The following COLEC11 variants were observed in gnomAD, a reference collection of about 807,000 sequenced individuals.
COLEC11 encodes the protein collectin-11.
A neutral mutation model predicts 27.3 loss-of-function variants in COLEC11; 20 were observed. The observed-to-expected ratio is 0.73, with a 90% CI of 0.51 to 1.06. COLEC11 has a LOEUF of 1.06. Ranked by LOEUF, COLEC11 falls within the 50% of genes least tolerant of loss-of-function variation. The pLI is 0.00. For missense variants in COLEC11, 310 were observed against 383.0 expected (o/e 0.81, Z 1.59); for synonymous variants, 163 against 154.7 (o/e 1.05, Z -0.40).
intron 3 of COLEC11, among the ~76,000 whole-genome samples, chr2:3,635,743 C>G (rs1186091570): frequency 6.6e-6 from 1 of 152,218 alleles, no homozygotes; most frequent in Non-Finnish European, 1.5e-5. Flanking sequence ...TAGGATCTCC[C>G]TCTGCCTCCC....
intron 3 of COLEC11, among the ~76,000 whole-genome samples, chr2:3,617,058 C>T (rs936920580): frequency 2.6e-5 from 4 of 151,922 alleles, no homozygotes; most frequent in Non-Finnish European, 5.9e-5. Context: ...CTTCAAGATC[C>T]GATTTCATTC....
rs761940723 is a variant in COLEC11, at chr2:3,643,764, C to T, written c.462C>T (p.Tyr154=). ...AGVRETESKI[Y]LLVKEEKRYA... is the part of the protein sequence containing the mutation. ...TGCGCGAGACGGAGAGCAAGATCTA[C>T]CTGCTGGTGAAGGAGGAGAAGCGCT... Residue 154 remains tyrosine, a synonymous_variant, in exon 7 of 7, where the codon TAC becomes TAT. Transcript: ENST00000349077. 70 of 1,613,546 alleles carry T rather than the reference C, an allele frequency of 4.3e-5. 1 individual carries two copies. The South Asian group carries it at 7.4e-4, about 17-fold the overall frequency.
intron 3 of COLEC11, among the ~76,000 whole-genome samples, chr2:3,616,610 C>A (rs979530766): frequency 1.4e-4 from 21 of 152,262 alleles, no homozygotes; most frequent in African/African-American, 4.8e-4. Flanking sequence ...AATACGAAAA[C>A]CAGTCAGGCA....
chr2:3,626,989 G>C (rs1480052841), intron 3 of COLEC11, among the ~76,000 whole-genome samples: 2 of 152,150 alleles, frequency 1.3e-5, no homozygotes, highest in Non-Finnish European at 2.9e-5. Flanking sequence ...CAACTCCCCT[G>C]GCCCACTGGC....
chr2:3,616,687 G>C (rs1317355313), intron 3 of COLEC11, among the ~76,000 whole-genome samples: 1 of 152,252 alleles, frequency 6.6e-6, no homozygotes, highest in African/African-American at 2.4e-5. Flanking sequence ...CAGGGAGGTT[G>C]CAGTGAGCCG....
Position 3,643,132 on chromosome 2 carries a change from C to A in COLEC11, c.329-312C>A, listed in dbSNP as rs6707237. Among the ~76,000 whole-genome samples, 938 of 152,282 alleles carry A rather than the reference C, an allele frequency of 6.2e-3. 9 individuals are homozygous for A. Among genetic ancestry groups the A allele is most frequent in the African/African-American group, 0.021 (893 of 41,538 alleles). On this transcript the variant is annotated intron_variant, in intron 5 of 6. Coordinates refer to ENST00000349077, the MANE Select transcript of COLEC11 (RefSeq NM_024027.5). Reference sequence around the variant, plus strand: ...ATGTTCTAGCTTTTCTCACTGCACGCCCTCAGCCAGACCTGCTTCCCTGGT... The same window carrying A: ...ATGTTCTAGCTTTTCTCACTGCACGACCTCAGCCAGACCTGCTTCCCTGGT...
intron 3 of COLEC11, among the ~76,000 whole-genome samples, chr2:3,628,315 G>T (rs1664710442): frequency 6.6e-6 from 1 of 152,252 alleles, no homozygotes; most frequent in East Asian, 1.9e-4. Context: ...ATGCTGGGCG[G>T]GGGCTGTGTT....
At chr2:3,624,963 AG>A (rs915675381) in intron 3 of COLEC11, among the ~76,000 whole-genome samples, 1 of 152,202 alleles carries the variant, frequency 6.6e-6, no homozygotes, top group Non-Finnish European at 1.5e-5. Flanking sequence ...TCCCTGATAT[AG>A]TAGTTATTCC....
At chr2:3,626,436 T>C (rs1001464518) in intron 3 of COLEC11, among the ~76,000 whole-genome samples, 3 of 144,932 alleles carry the variant, frequency 2.1e-5, no homozygotes, top group Non-Finnish European at 4.5e-5. Flanking sequence ...GGGTGGGGGG[T>C]GGGGATCTAC....
intron 3 of COLEC11, among the ~76,000 whole-genome samples, chr2:3,615,234 A>G (rs1035864778): frequency 2.0e-5 from 3 of 152,212 alleles, no homozygotes; most frequent in African/African-American, 7.2e-5. Context: ...GAAGGTCAGC[A>G]GACAAACAAG....
intron 1 of COLEC11, chr2:3,603,700 C>T (rs1275614874): frequency 1.3e-6 from 2 of 1,548,230 alleles, no homozygotes; most frequent in Non-Finnish European, 1.7e-6. Flanking sequence ...GGTCAGATGT[C>T]CATGACACCC....
chr2:3,628,876 A>G (rs1003340784), intron 3 of COLEC11, among the ~76,000 whole-genome samples: 3 of 152,168 alleles, frequency 2.0e-5, no homozygotes, highest in African/African-American at 4.8e-5. Flanking sequence ...ACTGCTCACA[A>G]TGGTGATGAG....
intron 5 of COLEC11, among the ~76,000 whole-genome samples, chr2:3,642,473 C>T (rs185264335): frequency 6.6e-6 from 1 of 152,322 alleles, no homozygotes; most frequent in East Asian, 1.9e-4. Context: ...ACTTGTGTTG[C>T]TCACTCTTGT....
chr2:3,609,766 G>A (rs76262342), intron 2 of COLEC11, among the ~76,000 whole-genome samples: 1 of 152,132 alleles, frequency 6.6e-6, no homozygotes, highest in East Asian at 1.9e-4. Flanking sequence ...TTGACCTCAG[G>A]TGATCCACCC....
intron 1 of COLEC11, among the ~76,000 whole-genome samples, chr2:3,600,555 C>T (rs1355915428): frequency 1.3e-5 from 2 of 152,138 alleles, no homozygotes; most frequent in Admixed American, 6.5e-5. Context: ...ACAAGCAAAA[C>T]GTGACAGAAT....
intron 1 of COLEC11, among the ~76,000 whole-genome samples, chr2:3,596,308 A>G (rs1428653830): frequency 2.6e-5 from 4 of 151,192 alleles, no homozygotes; most frequent in Admixed American, 2.0e-4. Flanking sequence ...TGGCAACTGA[A>G]GCCATGATTT....
intron 3 of COLEC11, among the ~76,000 whole-genome samples, chr2:3,619,999 A>G (rs1167745630): frequency 6.6e-6 from 1 of 152,230 alleles, no homozygotes; most frequent in Non-Finnish European, 1.5e-5. Flanking sequence ...ATCTGTGTTC[A>G]TCAGGGATAT....
chr2:3,595,506 G>A (rs1472650836), intron 1 of COLEC11, among the ~76,000 whole-genome samples: 1 of 152,152 alleles, frequency 6.6e-6, no homozygotes, highest in East Asian at 1.9e-4. Flanking sequence ...ATTCCAAACC[G>A]CAGTGCAGTA....
intron 3 of COLEC11, among the ~76,000 whole-genome samples, chr2:3,633,569 G>A (rs965797104): frequency 6.6e-6 from 1 of 152,234 alleles, no homozygotes. Flanking sequence ...CTGTGAGCGC[G>A]TCCAGCCTGA....
Sources: gnomAD v4.1 joint callset for allele counts (sites outside exome capture counted in the v4.1 genomes callset) on GRCh38, gnomAD v4.1.1 for gene constraint, MANE v1.5 for transcripts, NCBI Gene and HGNC (gene_info 2026-07-23, HGNC 2026-07-21) for gene names.